Variants in SNX31 observed in about 807,000 individuals in gnomAD.
The protein encoded by SNX31 is sorting nexin 31.
SNX31 carries 58 observed loss-of-function variants against 65.4 expected under a neutral mutation model. The observed-to-expected ratio is 0.89, with a 90% CI of 0.72 to 1.10. The LOEUF (loss-of-function observed/expected upper bound fraction) is 1.10, where lower values mean the gene tolerates loss of function less well. Among genes scored for constraint, SNX31 ranks in the 50% least tolerant of loss-of-function variants. The probability of loss-of-function intolerance (pLI) is 0.00; values close to 1 mark genes in which losing one functional copy is unlikely to be tolerated. For synonymous variants in SNX31, 181 were observed against 190.1 expected (o/e 0.95, Z 0.39); for missense variants, 523 against 529.7 (o/e 0.99, Z 0.12).
intron 3 of SNX31, among the ~76,000 whole-genome samples, chr8:100,633,496 C>T (rs919650491): frequency 3.9e-5 from 6 of 151,932 alleles, no homozygotes; most frequent in East Asian, 1.9e-4. Context: ...CTCCTCCTCC[C>T]GGGTTCAAGT....
At chr8:100,645,555 G>T (rs1819564966) in intron 2 of SNX31, among the ~76,000 whole-genome samples, 1 of 151,938 alleles carries the variant, frequency 6.6e-6, no homozygotes, top group East Asian at 1.9e-4. Flanking sequence ...ATTTAATTGG[G>T]AGACTTTGTA....
At chr8:100,656,431 G>A (rs1389182495) in intron 1 of SNX31, among the ~76,000 whole-genome samples, 2 of 152,128 alleles carry the variant, frequency 1.3e-5, no homozygotes, top group East Asian at 3.9e-4. Context: ...CCTGAGGTCA[G>A]GAGTTCAAGA....
At position 100,596,641 on chromosome 8, in the gene SNX31, G is replaced by C; in HGVS notation, c.976C>G (p.Leu326Val). The C allele has an allele frequency of 1.2e-6, 2 of 1,613,996 alleles. No homozygotes were observed. Among genetic ancestry groups the C allele is most frequent in the Admixed American group, 3.3e-5 (2 of 60,026 alleles). The change falls in exon 10 of 14, where the codon CTT (leucine) becomes GTT (valine). Residue 326 changes from leucine (L) to valine (V), a missense_variant and splice_region_variant. Transcript: ENST00000311812. ...SRVKCWQVTF[L>V]GTLLDTDGPQ... ...AAGCAAGGTGCCAAGATACTCACAA[G>C]GAAAGTGACCTGCCAGCACTTCACC...
chr8:100,600,858 G>A (rs1815558527), intron 8 of SNX31, among the ~76,000 whole-genome samples: 1 of 152,072 alleles, frequency 6.6e-6, no homozygotes, highest in African/African-American at 2.4e-5. Context: ...TAAAACTTCT[G>A]TACCTGAAAA....
At chr8:100,652,513 G>A (rs1819993124), upstream of SNX31, among the ~76,000 whole-genome samples, 1 of 152,090 alleles carries the variant, frequency 6.6e-6, no homozygotes, top group African/African-American at 2.4e-5. Flanking sequence ...CTAACCTTAT[G>A]GAGCCTAAGC....
chr8:100,585,079 C>T (rs778146284), intron 11 of SNX31, among the ~76,000 whole-genome samples: 1 of 152,056 alleles, frequency 6.6e-6, no homozygotes, highest in Admixed American at 6.6e-5. Context: ...TCATAGTCAC[C>T]TTCACTATCC....
intron 3 of SNX31, among the ~76,000 whole-genome samples, chr8:100,634,865 G>A (rs1818646228): frequency 1.3e-5 from 2 of 151,822 alleles, no homozygotes; most frequent in Non-Finnish European, 2.9e-5. Flanking sequence ...AGACCAGCCT[G>A]GGCAATATAG....
Position 100,613,399 on chromosome 8 carries a change from C to G in SNX31, c.433-314G>C, listed in dbSNP as rs1328237793. Among the ~76,000 whole-genome samples the G allele has an allele frequency of 1.3e-5, 2 of 152,154 alleles. No individual in the cohort carries two copies. Among genetic ancestry groups the G allele is most frequent in the Non-Finnish European group, 2.9e-5 (2 of 68,030 alleles). ...CGGATTGTCTTGGTCTTTATTTTCC[C>G]CTGGAGGGCAGCAGCCATGTTCCAT... On this transcript the variant is annotated intron_variant, in intron 5 of 13. Coordinates refer to ENST00000311812, the MANE Select transcript of SNX31 (RefSeq NM_152628.4). This position sits in a 1 kb window ranked among gnomAD's most constrained non-coding sequence, Gnocchi z 5.2.
At chr8:100,589,501 G>T (rs538776831) in intron 10 of SNX31, among the ~76,000 whole-genome samples, 2 of 152,216 alleles carry the variant, frequency 1.3e-5, no homozygotes, top group East Asian at 3.9e-4. Context: ...CCCAGGCTAG[G>T]AGGGCAAAGG....
chr8:100,597,174 A>G (rs1815178698), intron 9 of SNX31, among the ~76,000 whole-genome samples: 1 of 152,226 alleles, frequency 6.6e-6, no homozygotes, highest in Admixed American at 6.5e-5. Context: ...AAAAGAGTCC[A>G]TAAAATGGAT....
chr8:100,577,227 A>C, intron 12 of SNX31, 152 bp from the exon 13 acceptor site: 1 of 627,426 alleles, frequency 1.6e-6, no homozygotes, highest in Non-Finnish European at 2.8e-6. Context: ...TCATCTGTGC[A>C]TTCCTCTTTC....
chr8:100,648,336 T>TTTTG lies in SNX31; in HGVS notation c.141+937_141+938insCAAA, dbSNP rs1819787155. On this transcript the variant is annotated intron_variant, in intron 2 of 13. Coordinates refer to ENST00000311812, the MANE Select transcript of SNX31 (RefSeq NM_152628.4). The surrounding 1 kb of genome is among the most constrained non-coding windows in gnomAD (Gnocchi z 4.3). ...TTTTCTCTACACTTTTTTTTTTTTT[T>TTTTG]TTTTTAATAGAGACAAGGTCTCGGC... Among the ~76,000 whole-genome samples the TTTTG allele has an allele frequency of 6.6e-6, 1 of 151,086 alleles. No individual in the cohort carries two copies. Among genetic ancestry groups the TTTTG allele is most frequent in the Non-Finnish European group, 1.5e-5 (1 of 67,698 alleles).
Position 100,597,083 on chromosome 8 carries a change from C to T in SNX31, c.775-241G>A, listed in dbSNP as rs973305802. On this transcript the variant is annotated intron_variant, in intron 9 of 13. Coordinates refer to ENST00000311812, the MANE Select transcript of SNX31 (RefSeq NM_152628.4). ...GGGAAGGGACCATTCCTGCCTCTTT[C>T]ACCACTGTGTCCCTGCCCCTGTTAT... is the stretch of plus-strand genomic sequence containing the variant. 6.6e-5 allele frequency among the ~76,000 whole-genome samples: 10 copies of T among 152,186 alleles called. 1 individual carries two copies. Among genetic ancestry groups the T allele is most frequent in the Admixed American group, 5.2e-4 (8 of 15,276 alleles).
intron 4 of SNX31, among the ~76,000 whole-genome samples, chr8:100,620,249 C>A (rs568249762): frequency 6.6e-6 from 1 of 152,256 alleles, no homozygotes; most frequent in Non-Finnish European, 1.5e-5. Flanking sequence ...CCAGGTGAGA[C>A]CCTGTCTCCA....
chr8:100,659,514 T>C (rs928125756), intron 1 of SNX31, among the ~76,000 whole-genome samples: 1 of 152,240 alleles, frequency 6.6e-6, no homozygotes, highest in Non-Finnish European at 1.5e-5. Context: ...TTATTTTTGC[T>C]TGCTTACAGA....
At chr8:100,586,350 T>A (rs570200252) in intron 11 of SNX31, among the ~76,000 whole-genome samples, 2 of 152,372 alleles carry the variant, frequency 1.3e-5, no homozygotes, top group South Asian at 4.1e-4. Flanking sequence ...AACTATTATA[T>A]ATCCATAAAA....
chr8:100,602,341 G>A (rs928741009), intron 8 of SNX31, among the ~76,000 whole-genome samples: 3 of 152,150 alleles, frequency 2.0e-5, no homozygotes, highest in South Asian at 2.1e-4. Flanking sequence ...GAGAGGAGAA[G>A]AAAAATAACA....
At chr8:100,641,018 A>C (rs185920984) in intron 2 of SNX31, among the ~76,000 whole-genome samples, 127 of 152,324 alleles carry the variant, frequency 8.3e-4, no homozygotes, top group African/African-American at 3.0e-3. Context: ...AACCTTAATA[A>C]TAGAGGAAAC....
chr8:100,587,082 G>A (rs994767094), intron 11 of SNX31, among the ~76,000 whole-genome samples: 1 of 152,094 alleles, frequency 6.6e-6, no homozygotes, highest in Non-Finnish European at 1.5e-5. Context: ...TGTTTGGGAC[G>A]ATAACATGCT....
Sources: gnomAD v4.1 joint callset for allele counts (sites outside exome capture counted in the v4.1 genomes callset) on GRCh38, gnomAD v4.1.1 for gene constraint, Gnocchi (gnomAD v3.1) non-coding constraint, MANE v1.5 for transcripts, NCBI Gene and HGNC (gene_info 2026-07-23, HGNC 2026-07-21) for gene names.